The following SPATA7 variants were observed in gnomAD, a reference collection of about 807,000 sequenced individuals.
SPATA7 encodes spermatogenesis associated 7.
In SPATA7, 43 loss-of-function variants were observed where a neutral mutation model predicts 51.8. The ratio of observed to expected loss-of-function variants is 0.83; its 90% CI spans 0.65 to 1.07. The LOEUF (loss-of-function observed/expected upper bound fraction) is 1.07, where lower values mean the gene tolerates loss of function less well. Ranked by LOEUF, SPATA7 falls within the 50% of genes least tolerant of loss-of-function variation. SPATA7 has a pLI of 0.00. For synonymous variants in SPATA7, 230 were observed against 252.8 expected, an observed-to-expected ratio of 0.91 and a Z score of 0.86; for missense variants, 683 against 701.3, an observed-to-expected ratio of 0.97 and a Z score of 0.30.
chr14:88,388,354 A>G (rs1261941693), intron 1 of SPATA7, among the ~76,000 whole-genome samples: 1 of 152,318 alleles, frequency 6.6e-6, no homozygotes, highest in Admixed American at 6.5e-5. Flanking sequence ...CAAATTGTGT[A>G]GGAAAATGGG....
At chr14:88,411,170 G>A (rs2139941117) in intron 4 of SPATA7, among the ~76,000 whole-genome samples, 1 of 152,252 alleles carries the variant, frequency 6.6e-6, no homozygotes, top group South Asian at 2.1e-4. Context: ...TGTTTACACT[G>A]TGAGGGAAAA....
In SPATA7 at chr14:88,411,559, A is replaced by G. The variant is rs557549891; in HGVS notation, c.239-5152A>G. ...GCAAAGACCATGGGTAAAGCATAGT[A>G]TCTGGGCCAGAGTGCACACCGTTCC... On this transcript the variant is annotated intron_variant, in intron 4 of 11. Coordinates refer to ENST00000393545, the MANE Select transcript of SPATA7 (RefSeq NM_018418.5). 2.0e-5 allele frequency among the ~76,000 whole-genome samples: 3 copies of G among 151,560 alleles called. No homozygotes were observed. In the East Asian group the frequency reaches 5.8e-4, roughly 29 times the overall value.
At position 88,426,485 on chromosome 14, in the gene SPATA7, A is replaced by T. The variant is rs1196448715; in HGVS notation, c.626A>T (p.Asn209Ile). 6.2e-7 allele frequency: 1 copy of T among 1,614,062 alleles called. No homozygotes were observed. The highest frequency in any genetic ancestry group is 1.3e-5 in the African/African-American group (1 of 74,922). The change falls in exon 6 of 12, where the codon AAT (asparagine) becomes ATT (isoleucine). Residue 209 changes from asparagine to isoleucine, a missense_variant. By Grantham distance (149) the Asn-to-Ile change is moderately radical (BLOSUM62 -3). Transcript: ENST00000393545. ...AGAAGGCCCAGAAGCACATTCCCAAATTCCCACCGGTTTCAGTTAGTCATT... is the reference window on the plus strand; with the variant it reads ...AGAAGGCCCAGAAGCACATTCCCAATTTCCCACCGGTTTCAGTTAGTCATT... ...YGRRPRSTFPNSHRFQLVISK... is the reference protein window; with the variant it reads ...YGRRPRSTFPISHRFQLVISK...
chr14:88,463,425 T>G (rs138398125), intron 4 of SPATA7, among the ~76,000 whole-genome samples: 220 of 152,348 alleles, frequency 1.4e-3, no homozygotes, highest in African/African-American at 5.1e-3. Flanking sequence ...TAACTTCAGT[T>G]GCTTTCTGAG....
At chr14:88,406,374 G>T (rs1336749506) in intron 4 of SPATA7, among the ~76,000 whole-genome samples, 4 of 149,714 alleles carry the variant, frequency 2.7e-5, no homozygotes, top group Admixed American at 1.3e-4. Context: ...AAGATCCCTT[G>T]TACCCATTTG....
At chr14:88,434,484 A>G in intron 10 of SPATA7, among the ~76,000 whole-genome samples, 1 of 152,124 alleles carries the variant, frequency 6.6e-6, no homozygotes, top group South Asian at 2.1e-4. Flanking sequence ...CAGGAGTTCA[A>G]CACCAGCCTG....
chr14:88,460,796 A>G (rs2077312199), intron 4 of SPATA7, among the ~76,000 whole-genome samples: 1 of 152,086 alleles, frequency 6.6e-6, no homozygotes, highest in Non-Finnish European at 1.5e-5. Context: ...TGATTTTTAG[A>G]ATTTTCAGCT....
chr14:88,388,978 A>G (rs560108800), intron 1 of SPATA7, among the ~76,000 whole-genome samples: 1 of 152,362 alleles, frequency 6.6e-6, no homozygotes, highest in Non-Finnish European at 1.5e-5. Context: ...CACTAAACAA[A>G]CAAGTGAACA....
chr14:88,459,683 G>T (rs1431548853), downstream of SPATA7, among the ~76,000 whole-genome samples: 3 of 152,152 alleles, frequency 2.0e-5, no homozygotes, highest in African/African-American at 4.8e-5. Context: ...GCCAGTCTGT[G>T]TATTTTAATT....
chr14:88,469,211 A>G lies in SPATA7; in HGVS notation c.255-636A>G, dbSNP rs772015930. 3 of 948,552 alleles carry G rather than the reference A, an allele frequency of 3.2e-6. No homozygotes were observed. The highest frequency in any genetic ancestry group is 4.6e-6 in the Non-Finnish European group (3 of 646,116). 58.8% of individuals were successfully genotyped at this position (948,552 alleles called of 1,614,324 possible). On this transcript the variant is annotated intron_variant, in intron 4 of 4. Coordinates refer to the SPATA7 transcript ENST00000556406. This position sits in a 1 kb window ranked among gnomAD's most constrained non-coding sequence, Gnocchi z 4.3. The stretch of plus-strand genomic sequence containing the variant: ...ACTGGGTGCCAGTGAACCAAACCCA[A>G]CCACAAAGGGACAGTGTGACCCTGA...
At chr14:88,401,874 T>A (rs1566756374) in intron 4 of SPATA7, among the ~76,000 whole-genome samples, 1 of 150,120 alleles carries the variant, frequency 6.7e-6, no homozygotes, top group Non-Finnish European at 1.5e-5. Flanking sequence ...TAAGGTTACT[T>A]CTGTTTGTGA....
intron 5 of SPATA7, among the ~76,000 whole-genome samples, chr14:88,420,465 G>A (rs1438511015): frequency 6.6e-6 from 1 of 152,172 alleles, no homozygotes; most frequent in Non-Finnish European, 1.5e-5. Context: ...TCATTAATGT[G>A]CAGATCGTTC....
At chr14:88,466,256 ATTT>A (rs577651830) in intron 4 of SPATA7, 310 of 152,216 alleles carry the variant, frequency 2.0e-3, no homozygotes, top group African/African-American at 7.1e-3. Flanking sequence ...ACAAAATGTA[ATTT>A]TTTAATTTTG....
downstream of SPATA7, among the ~76,000 whole-genome samples, chr14:88,442,485 G>A (rs1218622384): frequency 6.6e-6 from 1 of 152,038 alleles, no homozygotes; most frequent in African/African-American, 2.4e-5. Flanking sequence ...TTTTGCTGAG[G>A]GTTTTAATCA....
At position 88,385,690 on chromosome 14, in the gene SPATA7, G is replaced by A. The variant is rs1020634600; in HGVS notation, c.-129G>A. 6.5e-6 allele frequency: 6 copies of A among 917,670 alleles called. No homozygotes were observed. The highest frequency in any genetic ancestry group is 2.6e-5 in the East Asian group (1 of 38,306). 56.8% of individuals were successfully genotyped at this position (917,670 alleles called of 1,614,324 possible). On this transcript the variant is annotated 5_prime_UTR_variant, in exon 1 of 12. Coordinates refer to ENST00000393545, the MANE Select transcript of SPATA7 (RefSeq NM_018418.5). The stretch of plus-strand genomic sequence containing the variant: ...CAGCCCTTAGCAACGGCCTGGCAAC[G>A]GTTTCCCTGCTGCTGCAGCCCCCGT...
At chr14:88,439,124 A>T (rs1402558674), downstream of SPATA7, among the ~76,000 whole-genome samples, 1 of 152,210 alleles carries the variant, frequency 6.6e-6, no homozygotes, top group Non-Finnish European at 1.5e-5. Flanking sequence ...TTACCCAGAC[A>T]TAAGCGGTTT....
At chr14:88,405,315 T>C (rs1042487364) in intron 4 of SPATA7, among the ~76,000 whole-genome samples, 2 of 152,206 alleles carry the variant, frequency 1.3e-5, no homozygotes, top group African/African-American at 4.8e-5. Context: ...GCCTTCACTC[T>C]GAATGAAATT....
Position 88,469,716 on chromosome 14 carries a change from C to G in SPATA7, c.255-131C>G. ...CAAGTCGTGGCCAGTACCTAAAGCT[C>G]TTCTCCCTTCCACCCTCCTGTTAAA... On this transcript the variant is annotated intron_variant, in intron 4 of 4. Coordinates refer to the SPATA7 transcript ENST00000556406. The surrounding 1 kb of genome is among the most constrained non-coding windows in gnomAD (Gnocchi z 4.3). The G allele has an allele frequency of 6.2e-7, 1 of 1,614,194 alleles. No homozygotes were observed.
At chr14:88,447,938 TTGG>T (rs2077225778) in intron 3 of SPATA7, among the ~76,000 whole-genome samples, 1 of 150,868 alleles carries the variant, frequency 6.6e-6, no homozygotes, top group Admixed American at 6.6e-5. Context: ...CATTTCAACT[TTGG>T]TGAATCTGAC....
Sources: allele counts gnomAD v4.1 joint callset (sites outside exome capture counted in the v4.1 genomes callset), GRCh38; gene constraint gnomAD v4.1.1; non-coding constraint Gnocchi (gnomAD v3.1); transcripts MANE v1.5; gene names NCBI Gene and HGNC (gene_info 2026-07-23, HGNC 2026-07-21).